Variants in NXN observed in about 807,000 individuals in gnomAD.
NXN encodes nucleoredoxin.
Under a neutral mutation model 48.6 loss-of-function variants are expected in NXN, and 16 were observed. That is an observed-to-expected ratio of 0.33 (90% CI 0.22 to 0.50). NXN has a LOEUF of 0.50. Among genes scored for constraint, NXN ranks in the 20% least tolerant of loss-of-function variants. NXN has a pLI of 0.98. For synonymous variants in NXN, 281 were observed against 269.6 expected (o/e 1.04, Z -0.41); for missense variants, 492 against 605.5 (o/e 0.81, Z 1.97).
At chr17:833,502 G>A (rs534241235) in intron 1 of NXN, among the ~76,000 whole-genome samples, 35 of 152,210 alleles carry the variant, frequency 2.3e-4, no homozygotes, top group African/African-American at 7.5e-4. Context: ...CAAGTGTGAG[G>A]GGCCCCTCGA....
chr17:873,273 G>A (rs1244129223), intron 1 of NXN, among the ~76,000 whole-genome samples: 1 of 151,934 alleles, frequency 6.6e-6, no homozygotes, highest in African/African-American at 2.4e-5. Context: ...GAGGAGGGTG[G>A]ATCACTTGAG....
At chr17:823,363 C>T (rs1912920518) in intron 3 of NXN, among the ~76,000 whole-genome samples, 3 of 151,964 alleles carry the variant, frequency 2.0e-5, no homozygotes, top group African/African-American at 7.2e-5. Flanking sequence ...CGCGCCACTG[C>T]ACTCCAGCCT....
At chr17:915,576 C>A (rs555781980) in intron 1 of NXN, among the ~76,000 whole-genome samples, 16 of 152,326 alleles carry the variant, frequency 1.1e-4, no homozygotes, top group African/African-American at 3.8e-4. Flanking sequence ...TAAGACACCA[C>A]ACCTGGACTC....
At chr17:979,245 A>AACGGGCGTGGGGGGCGGGCAGGGGTC (rs2069504647) in intron 1 of NXN, 74 bp downstream of exon 1, 5 of 886,636 alleles carry the variant, frequency 5.6e-6, no homozygotes, top group African/African-American at 3.6e-5. Flanking sequence ...GGGCAGGGGT[A>AACGGGCGTGGGGGGCGGGCAGGGGTC]ACGGGCGTGG....
At chr17:879,274 GTT>G (rs2068256424) in intron 1 of NXN, among the ~76,000 whole-genome samples, 1 of 18,830 alleles carries the variant, frequency 5.3e-5, no homozygotes, top group Non-Finnish European at 3.4e-4. Context: ...TTTTGGTTTG[GTT>G]TTTGGTTTTT....
Position 816,243 on chromosome 17 carries a change from G to C in NXN, c.820+3196C>G, listed in dbSNP as rs900285000. The stretch of plus-strand genomic sequence containing the variant: ...TTTAATTAACACAGAGTCGTTCTGG[G>C]GACGAAGACCTGAATCCCATGGATT... On this transcript the variant is annotated intron_variant, in intron 5 of 7. Coordinates refer to ENST00000336868, the MANE Select transcript of NXN (RefSeq NM_022463.5). 1.3e-5 allele frequency among the ~76,000 whole-genome samples: 2 copies of C among 152,232 alleles called. 1 individual carries two copies.
intron 1 of NXN, among the ~76,000 whole-genome samples, chr17:866,559 C>T (rs2068097656): frequency 6.6e-6 from 1 of 152,122 alleles, no homozygotes; most frequent in Admixed American, 6.6e-5. Flanking sequence ...GCGACAGAGA[C>T]CCCATCTCAA....
intron 1 of NXN, among the ~76,000 whole-genome samples, chr17:923,003 G>A (rs2068763855): frequency 6.6e-6 from 1 of 151,976 alleles, no homozygotes. Context: ...CCTGAGCTGG[G>A]AGCCCAGAGT....
At chr17:806,787 G>A (rs1054794650) in intron 5 of NXN, among the ~76,000 whole-genome samples, 3 of 152,162 alleles carry the variant, frequency 2.0e-5, no homozygotes, top group African/African-American at 7.2e-5. Context: ...CACCGCGGGC[G>A]TGCCTGCCTT....
At position 978,679 on chromosome 17, in the gene NXN, T is replaced by TCGGCCA. The variant is rs1411281959; in HGVS notation, c.360+634_360+639dup. ...GGAGACGGAGCCGTGAGCGCCCTTC[T>TCGGCCA]CGGCCACAGCCACGGCCACGGTCAC... On this transcript the variant is annotated intron_variant, in intron 1 of 7. Transcript: ENST00000336868. This position sits in a 1 kb window ranked among gnomAD's most constrained non-coding sequence, Gnocchi z 4.1. 1.3e-5 allele frequency: 2 copies of TCGGCCA among 152,132 alleles called. No individual in the cohort carries two copies. The highest frequency in any genetic ancestry group is 4.8e-5 in the African/African-American group (2 of 41,400). The allele number at this position is 152,132 out of a possible 1,614,324, so 9.4% of individuals were successfully genotyped here. A position where few individuals can be genotyped will look rare whatever the true frequency, so the allele number is the denominator to read the frequency against.
chr17:890,826 T>G (rs142975498), intron 1 of NXN, among the ~76,000 whole-genome samples: 254 of 152,226 alleles, frequency 1.7e-3, no homozygotes, highest in African/African-American at 5.8e-3. Flanking sequence ...GGGAGTGAGT[T>G]TGGCTTTTGG....
At chr17:842,337 CA>C (rs1279184235) in intron 1 of NXN, among the ~76,000 whole-genome samples, 5 of 152,220 alleles carry the variant, frequency 3.3e-5, no homozygotes, top group African/African-American at 1.2e-4. Context: ...CCCAGAGACA[CA>C]GGGGAGCCGC....
chr17:835,305 T>C (rs9904411), intron 1 of NXN, among the ~76,000 whole-genome samples: 58,637 of 144,654 alleles, frequency 0.41, 12,341 homozygotes, highest in African/African-American at 0.52. Context: ...GAGACTCTGT[T>C]TCAAAAAAAA....
At chr17:811,663 G>T (rs1912017424) in intron 5 of NXN, among the ~76,000 whole-genome samples, 1 of 152,158 alleles carries the variant, frequency 6.6e-6, no homozygotes. Context: ...CCGGTGGCCA[G>T]CCTGTCAGCG....
rs573470292 is a variant in NXN at position 923,262 on chromosome 17, C to T, written c.360+56057G>A. 4.6e-5 allele frequency among the ~76,000 whole-genome samples: 7 copies of T among 152,260 alleles called. No homozygotes were observed. In the East Asian group the frequency reaches 9.7e-4, roughly 21 times the overall value. ...GCCCTTGTCTTATTCACTCTGTTTA[C>T]ATCCACCTGGGTGCCACTCCAGTGT... is the stretch of plus-strand genomic sequence containing the variant. On this transcript the variant is annotated intron_variant, in intron 1 of 7. Transcript: ENST00000336868.
chr17:947,190 A>G (rs909609515), intron 1 of NXN, among the ~76,000 whole-genome samples: 1 of 152,172 alleles, frequency 6.6e-6, no homozygotes, highest in Admixed American at 6.5e-5. Flanking sequence ...ACCCACGTAC[A>G]GTAGTGGCTG....
intron 1 of NXN, among the ~76,000 whole-genome samples, chr17:931,541 TTA>T (rs1432734579): frequency 6.6e-6 from 1 of 152,028 alleles, no homozygotes; most frequent in Non-Finnish European, 1.5e-5. Context: ...GTTATTTATT[TTA>T]AAAAAATTTT....
chr17:839,079 C>T (rs1057153897), intron 1 of NXN, among the ~76,000 whole-genome samples: 7 of 152,174 alleles, frequency 4.6e-5, no homozygotes, highest in African/African-American at 9.7e-5. Flanking sequence ...AACACTGCTT[C>T]GTCCTGTTGC....
At chr17:887,299 G>A (rs968051520) in intron 1 of NXN, among the ~76,000 whole-genome samples, 6 of 152,286 alleles carry the variant, frequency 3.9e-5, no homozygotes, top group Admixed American at 1.3e-4. Flanking sequence ...CCACAGCGAC[G>A]AAGGTTTGGC....
Sources: allele counts gnomAD v4.1 joint callset (sites outside exome capture counted in the v4.1 genomes callset), GRCh38; gene constraint gnomAD v4.1.1; non-coding constraint Gnocchi (gnomAD v3.1); transcripts MANE v1.5; gene names NCBI Gene and HGNC (gene_info 2026-07-23, HGNC 2026-07-21).